RTTN: variants seen among roughly 807,000 people sequenced by gnomAD.
RTTN encodes the protein rotatin.
In RTTN, 182 loss-of-function variants were observed where a neutral mutation model predicts 269.2. The ratio of observed to expected loss-of-function variants is 0.68; its 90% CI spans 0.60 to 0.76. RTTN has a LOEUF of 0.76. Among genes scored for constraint, RTTN ranks in the 30% least tolerant of loss-of-function variants. The pLI, the probability that RTTN is intolerant of heterozygous loss-of-function variation, is 0.00. For synonymous variants in RTTN, 1,006 were observed against 963.5 expected (o/e 1.04, Z -0.82); for missense variants, 2,545 against 2,608.6 (o/e 0.98, Z 0.53).
intron 28 of RTTN, among the ~76,000 whole-genome samples, chr18:70,103,326 TG>T (rs1270525046): frequency 6.7e-6 from 1 of 149,966 alleles, no homozygotes. Context: ...AAGGGGGAAA[TG>T]TGGGGAAAAG....
At chr18:70,047,000 T>C (rs1006277316) in intron 40 of RTTN, among the ~76,000 whole-genome samples, 2 of 152,214 alleles carry the variant, frequency 1.3e-5, no homozygotes, top group African/African-American at 4.8e-5. Context: ...CAAGCAGTCA[T>C]ACCAGAAATA....
In RTTN at chr18:70,005,278, C is replaced by A; in HGVS notation, c.6526-11G>T. 2 of 1,606,578 alleles carry A rather than the reference C, an allele frequency of 1.2e-6. No homozygotes were observed. The highest frequency in any genetic ancestry group is 8.5e-7 in the Non-Finnish European group (1 of 1,174,678). ...CAAAGCTGTTTTTGCCTAGAACAAT[C>A]CATTAATTAGGTTTCTTGCCATGTG... On this transcript the variant is annotated splice_polypyrimidine_tract_variant and intron_variant, in intron 47 of 48. Transcript: ENST00000640769.
chr18:70,063,552 C>T (rs1158921618), intron 35 of RTTN, among the ~76,000 whole-genome samples: 1 of 151,904 alleles, frequency 6.6e-6, no homozygotes, highest in Non-Finnish European at 1.5e-5. Context: ...GGTGACAGAG[C>T]TAGACCCTGT....
At chr18:70,047,861 T>C (rs1012118323) in intron 40 of RTTN, 110 bp downstream of exon 40, 18 of 807,200 alleles carry the variant, frequency 2.2e-5, no homozygotes, top group Non-Finnish European at 3.5e-5. Flanking sequence ...ATAATAAGCA[T>C]TACTATTTCT....
At chr18:70,039,104 G>C (rs974769187) in intron 40 of RTTN, among the ~76,000 whole-genome samples, 1 of 151,974 alleles carries the variant, frequency 6.6e-6, no homozygotes, top group African/African-American at 2.4e-5. Flanking sequence ...AAATAGCCTC[G>C]AAAGGGCAAA....
intron 40 of RTTN, among the ~76,000 whole-genome samples, chr18:70,037,801 A>G (rs1390230646): frequency 6.6e-6 from 1 of 152,218 alleles, no homozygotes; most frequent in Non-Finnish European, 1.5e-5. Context: ...AGCAACAAGT[A>G]GGCTCTTGGG....
intron 32 of RTTN, among the ~76,000 whole-genome samples, chr18:70,075,867 AT>A (rs1420445864): frequency 6.6e-6 from 1 of 152,124 alleles, no homozygotes; most frequent in Non-Finnish European, 1.5e-5. Flanking sequence ...TAAAAGCAGT[AT>A]TTTTCAACCT....
At chr18:70,063,363 CCTT>C (rs2058044475) in intron 35 of RTTN, among the ~76,000 whole-genome samples, 1 of 152,104 alleles carries the variant, frequency 6.6e-6, no homozygotes, top group Admixed American at 6.6e-5. Flanking sequence ...ACTTTTAGGT[CCTT>C]TGTGAATTAT....
At chr18:70,020,065 C>T (rs1424582785) in intron 45 of RTTN, 1 of 152,468 alleles carries the variant, frequency 6.6e-6, no homozygotes, top group African/African-American at 2.4e-5. Flanking sequence ...CACATGTGTA[C>T]TAGAATTTAT....
chr18:70,085,049 G>T (rs1221867944), intron 32 of RTTN, among the ~76,000 whole-genome samples: 1 of 152,046 alleles, frequency 6.6e-6, no homozygotes, highest in Non-Finnish European at 1.5e-5. Flanking sequence ...AAAATTCATT[G>T]GTAGTACATC....
chr18:70,121,722 C>A, intron 25 of RTTN, 22 bp from the exon 26 acceptor site: 3 of 1,520,372 alleles, frequency 2.0e-6, no homozygotes, highest in South Asian at 2.6e-5. Context: ...AGACAATAAT[C>A]ATGGTTTCTG....
At chr18:70,044,823 CAG>C (rs775898755) in intron 40 of RTTN, among the ~76,000 whole-genome samples, 30 of 152,206 alleles carry the variant, frequency 2.0e-4, no homozygotes, top group Non-Finnish European at 2.9e-4. Context: ...TGAGGGGAGA[CAG>C]AGCATATTTC....
intron 40 of RTTN, among the ~76,000 whole-genome samples, chr18:70,045,223 T>C (rs1476591664): frequency 2.0e-5 from 3 of 152,206 alleles, no homozygotes; most frequent in Non-Finnish European, 4.4e-5. Flanking sequence ...GACATTTAAC[T>C]GAAGTTCCAA....
chr18:70,088,271 A>G, intron 30 of RTTN, 124 bp from the exon 31 acceptor site: 3 of 815,404 alleles, frequency 3.7e-6, no homozygotes, highest in Non-Finnish European at 5.5e-6. Context: ...ATCCTAAATT[A>G]TAAGAGACAC....
rs1312178347 is a variant in RTTN at position 70,092,968 on chromosome 18, G to A, written c.3904-164C>T. Among the ~76,000 whole-genome samples, 7 of 152,070 alleles carry A rather than the reference G, an allele frequency of 4.6e-5. 1 individual carries two copies. The highest frequency in any genetic ancestry group is 1.9e-4 in the East Asian group (1 of 5,192). ...AAATGAATAAGATGGTAAATTTTAT[G>A]TTATGGGTATTTTACCATTGTTAAA... On this transcript the variant is annotated intron_variant, in intron 28 of 48. Transcript: ENST00000640769.
At chr18:70,127,965 T>G (rs948038772) in intron 24 of RTTN, 6 of 524,196 alleles carry the variant, frequency 1.1e-5, no homozygotes, top group Admixed American at 3.3e-5. Flanking sequence ...ATAAAAATTT[T>G]TATTCACTTA....
intron 46 of RTTN, chr18:70,007,788 C>T (rs1255378077): frequency 2.0e-5 from 3 of 152,318 alleles, no homozygotes; most frequent in Non-Finnish European, 2.9e-5. Context: ...TCCCATCTCC[C>T]TGGGACAGAG....
chr18:70,050,157 T>A (rs1050951494), intron 39 of RTTN, among the ~76,000 whole-genome samples: 3 of 151,734 alleles, frequency 2.0e-5, no homozygotes, highest in Non-Finnish European at 4.4e-5. Context: ...TGGGAGAAAA[T>A]TTTTGTAATC....
chr18:70,030,961 G>A lies in RTTN; in HGVS notation c.5562C>T (p.Ser1854=). 6.2e-7 allele frequency: 1 copy of A among 1,612,924 alleles called. No homozygotes were observed. The highest frequency in any genetic ancestry group is 2.2e-5 in the East Asian group (1 of 44,834). ...VILQCYEGKS[S]KDILKRVAAN... is the part of the protein sequence containing the mutation. The stretch of plus-strand genomic sequence containing the variant: ...CAGCTACTCTTTTCAGGATATCTTT[G>A]GAGGATTTCCCTTCATAGCACTGCA... Residue 1854 remains serine (S), a synonymous_variant, in exon 41 of 49, where the codon TCC becomes TCT. Coordinates refer to ENST00000640769, the MANE Select transcript of RTTN (RefSeq NM_173630.4).
Sources: gnomAD v4.1 joint callset for allele counts (sites outside exome capture counted in the v4.1 genomes callset) on GRCh38, gnomAD v4.1.1 for gene constraint, MANE v1.5 for transcripts, NCBI Gene and HGNC (gene_info 2026-07-23, HGNC 2026-07-21) for gene names.